The following RELN variants were observed in gnomAD, a reference collection of about 807,000 sequenced individuals.
The protein encoded by RELN is reelin.
RELN carries 108 observed loss-of-function variants against 427.6 expected under a neutral mutation model. The ratio of observed to expected loss-of-function variants is 0.25; its 90% CI spans 0.22 to 0.30. The LOEUF (loss-of-function observed/expected upper bound fraction) is 0.30, where lower values mean the gene tolerates loss of function less well. RELN is among the 10% of genes least tolerant of loss of function. The pLI is 1.00. For synonymous variants in RELN, 1,524 were observed against 1,513.4 expected (o/e 1.01, Z -0.16); for missense variants, 3,715 against 4,302.8 (o/e 0.86, Z 3.82).
intron 3 of RELN, among the ~76,000 whole-genome samples, chr7:103,783,160 C>CT (rs908073449): frequency 1.3e-4 from 11 of 81,628 alleles, no homozygotes; most frequent in Admixed American, 2.5e-4. Context: ...TTTTCTCTTT[C>CT]TTTCTTTTTT....
chr7:103,644,806 A>T (rs568870039), intron 16 of RELN, among the ~76,000 whole-genome samples: 1 of 151,872 alleles, frequency 6.6e-6, no homozygotes, highest in African/African-American at 2.4e-5. Flanking sequence ...CATTGTAAGG[A>T]TGTCACCAAG....
chr7:103,685,319 C>A (rs745732757), intron 10 of RELN, among the ~76,000 whole-genome samples: 1 of 152,036 alleles, frequency 6.6e-6, no homozygotes, highest in Non-Finnish European at 1.5e-5. Context: ...ATCTAAACAA[C>A]TTCAAAACCA....
In RELN at chr7:103,504,021, T is replaced by C. The variant is rs1829125711; in HGVS notation, c.8275-791A>G. Among the ~76,000 whole-genome samples the C allele has an allele frequency of 4.6e-5, 7 of 150,984 alleles. No individual in the cohort carries two copies. The Middle Eastern group carries it at 0.017, about 372-fold the overall frequency. On this transcript the variant is annotated intron_variant, in intron 51 of 64. Transcript: ENST00000428762. ...GAGTTTGAGACCAGCCTGACCAACATGGTGAAACCCTGTCTCTACTAAAAA... is the reference window on the plus strand; with the variant it reads ...GAGTTTGAGACCAGCCTGACCAACACGGTGAAACCCTGTCTCTACTAAAAA...
chr7:103,637,957 T>A (rs1487023987), intron 17 of RELN, among the ~76,000 whole-genome samples: 1 of 152,226 alleles, frequency 6.6e-6, no homozygotes, highest in Non-Finnish European at 1.5e-5. Context: ...CGTTTAGAGA[T>A]GACTCACATT....
chr7:103,648,880 A>G (rs185815210), intron 16 of RELN, among the ~76,000 whole-genome samples: 14 of 152,210 alleles, frequency 9.2e-5, no homozygotes, highest in African/African-American at 2.6e-4. Flanking sequence ...TTAAAACCAC[A>G]ATGAGATACC....
intron 4 of RELN, among the ~76,000 whole-genome samples, chr7:103,764,954 G>A (rs980225517): frequency 6.6e-6 from 1 of 151,910 alleles, no homozygotes; most frequent in Non-Finnish European, 1.5e-5. Flanking sequence ...GTGAGGATCC[G>A]AGTCCTCTGG....
At chr7:103,656,659 C>T (rs148038790) in intron 12 of RELN, among the ~76,000 whole-genome samples, 1 of 151,872 alleles carries the variant, frequency 6.6e-6, no homozygotes, top group Non-Finnish European at 1.5e-5. Context: ...TTGTTTATTC[C>T]CAAGGAAATT....
chr7:103,827,914 T>C (rs1194043271), intron 3 of RELN, among the ~76,000 whole-genome samples: 1 of 152,060 alleles, frequency 6.6e-6, no homozygotes, highest in African/African-American at 2.4e-5. Flanking sequence ...ATTTCAGACT[T>C]AAATGGGAGG....
intron 6 of RELN, among the ~76,000 whole-genome samples, chr7:103,729,171 A>T (rs1790289650): frequency 6.6e-6 from 1 of 152,196 alleles, no homozygotes; most frequent in East Asian, 1.9e-4. Flanking sequence ...ACCACATGAG[A>T]GCTATATTTC....
At chr7:103,671,627 G>C (rs1034206991) in intron 11 of RELN, among the ~76,000 whole-genome samples, 2 of 152,054 alleles carry the variant, frequency 1.3e-5, no homozygotes, top group Non-Finnish European at 2.9e-5. Flanking sequence ...ATTATAATGA[G>C]TGTTTTTACT....
At chr7:103,753,161 A>G in intron 5 of RELN, 21 bp downstream of exon 5, 3 of 1,612,970 alleles carry the variant, frequency 1.9e-6, no homozygotes, top group Non-Finnish European at 2.5e-6. Context: ...AGTTAATGAC[A>G]TCAGAGTCTT....
intron 2 of RELN, among the ~76,000 whole-genome samples, chr7:103,874,841 G>A (rs1433673623): frequency 6.7e-6 from 1 of 148,584 alleles, no homozygotes; most frequent in East Asian, 2.1e-4. Flanking sequence ...TTTCTTCACA[G>A]AATTGGAAAA....
Position 103,654,162 on chromosome 7 carries a change from G to A in RELN, c.1485C>T (p.Ile495=), listed in dbSNP as rs775374370. 6.2e-7 allele frequency: 1 copy of A among 1,611,538 alleles called. No homozygotes were observed. The highest frequency in any genetic ancestry group is 8.5e-7 in the Non-Finnish European group (1 of 1,178,250). The change falls in exon 13 of 65, where the codon ATC becomes ATT. Residue 495 remains isoleucine (I), a synonymous_variant. Coordinates refer to ENST00000428762, the MANE Select transcript of RELN (RefSeq NM_005045.4). ...TTCTTCCTTCAATTTTTGCATACAG[G>A]ATTATGTCATTTTCATGAGAATTTC... ...DPGNSHENDI[I]LYAKIEGRKE... is the part of the protein sequence containing the mutation.
rs535103649 is a variant in RELN at position 103,775,021 on chromosome 7, AC to A, written c.544+1535del. Among the ~76,000 whole-genome samples, 93 of 152,138 alleles carry A rather than the reference AC, an allele frequency of 6.1e-4. 1 individual carries two copies. Among genetic ancestry groups the A allele is most frequent in the Non-Finnish European group, 9.6e-4 (65 of 68,000 alleles). On this transcript the variant is annotated intron_variant, in intron 4 of 64. Transcript: ENST00000428762. The stretch of plus-strand genomic sequence containing the variant: ...TTTCTTTTCATTTTAAATGAAACCA[AC>A]CCCAATAATTCAGTTATAATAGAAA...
intron 8 of RELN, among the ~76,000 whole-genome samples, chr7:103,715,054 TG>T (rs1348537985): frequency 2.0e-5 from 3 of 152,326 alleles, no homozygotes; most frequent in Non-Finnish European, 2.9e-5. Flanking sequence ...AACAATTATT[TG>T]GATAGGGAAG....
intron 1 of RELN, among the ~76,000 whole-genome samples, chr7:103,965,964 T>C (rs1796652505): frequency 1.3e-5 from 2 of 152,214 alleles, no homozygotes; most frequent in Admixed American, 1.3e-4. Context: ...AGATTTAGAA[T>C]TTATTAAGAA....
At chr7:103,492,153 C>CT in intron 57 of RELN, 127 bp from the exon 58 acceptor site, 1 of 747,648 alleles carries the variant, frequency 1.3e-6, no homozygotes, top group Non-Finnish European at 2.4e-6. Context: ...ATAGAGCAGC[C>CT]TGCTGGGATA....
At chr7:103,521,901 T>G in intron 48 of RELN, 121 bp downstream of exon 48, 1 of 942,800 alleles carries the variant, frequency 1.1e-6, no homozygotes, top group Non-Finnish European at 1.7e-6. Flanking sequence ...CAGATCAGGG[T>G]TGTACATTTA....
intron 2 of RELN, among the ~76,000 whole-genome samples, chr7:103,905,593 G>A (rs1011314832): frequency 2.0e-5 from 3 of 152,164 alleles, no homozygotes; most frequent in African/African-American, 7.2e-5. Flanking sequence ...ACTAAGGGCA[G>A]CTCAAATACC....
Sources: gnomAD v4.1 joint callset for allele counts (sites outside exome capture counted in the v4.1 genomes callset) on GRCh38, gnomAD v4.1.1 for gene constraint, MANE v1.5 for transcripts, NCBI Gene and HGNC (gene_info 2026-07-23, HGNC 2026-07-21) for gene names.